The following ZBTB45 variants were observed in gnomAD, a reference collection of about 807,000 sequenced individuals.
ZBTB45 encodes the protein zinc finger and BTB domain containing 45, also known as zinc finger and BTB domain-containing protein 45.
In ZBTB45, 22 loss-of-function variants were observed where a neutral mutation model predicts 28.4. That is an observed-to-expected ratio of 0.77 (90% CI 0.55 to 1.10). The LOEUF (loss-of-function observed/expected upper bound fraction) is 1.10. Among genes scored for constraint, ZBTB45 ranks in the 50% least tolerant of loss-of-function variants. The pLI is 0.00. For missense variants in ZBTB45, 656 were observed against 750.2 expected, an observed-to-expected ratio of 0.87 and a Z score of 1.47; for synonymous variants, 361 against 332.3, an observed-to-expected ratio of 1.09 and a Z score of -0.94.
At position 58,513,612 on chromosome 19, in the gene ZBTB45, T is replaced by C. The variant is rs528496292; in HGVS notation, c.*442A>G. 3.1e-4 allele frequency: 52 copies of C among 166,144 alleles called. No homozygotes were observed. In the South Asian group the frequency reaches 9.3e-3, roughly 30 times the overall value. 10.3% of individuals were successfully genotyped at this position (166,144 alleles called of 1,614,324 possible). On this transcript the variant is annotated 3_prime_UTR_variant, in exon 3 of 3. Transcript: ENST00000594051. ...CAGCCCCCATATATGATGGGTCCAC[T>C]TGAGTCTCCTTAGGCGCCCCATGAG... is the stretch of plus-strand genomic sequence containing the variant.
chr19:58,518,602 G>A (rs1167488204), intron 1 of ZBTB45, among the ~76,000 whole-genome samples: 3 of 152,088 alleles, frequency 2.0e-5, no homozygotes, highest in African/African-American at 7.2e-5. Context: ...CCCAACATCA[G>A]GCACCAGAAA....
Position 58,517,170 on chromosome 19 carries a change from T to G in ZBTB45, c.504A>C (p.Ala168=). Residue 168 remains alanine, a synonymous_variant, in exon 2 of 3, where the codon GCA becomes GCC. Transcript: ENST00000594051. Reference sequence around the variant, plus strand: ...CGGGCTGGCGCTGCTTACGGCTGTGTGCAGCACCGGGGTGCCCCGGGGGAC... The same window carrying G: ...CGGGCTGGCGCTGCTTACGGCTGTGGGCAGCACCGGGGTGCCCCGGGGGAC... ...AARPPGHPGA[A]HSRKQRQPAR... 6.2e-7 allele frequency: 1 copy of G among 1,609,846 alleles called. No homozygotes were observed. Among genetic ancestry groups the G allele is most frequent in the African/African-American group, 1.3e-5 (1 of 74,854 alleles).
At chr19:58,533,648 G>A (rs569091857) in intron 1 of ZBTB45, among the ~76,000 whole-genome samples, 4 of 152,236 alleles carry the variant, frequency 2.6e-5, no homozygotes, top group Admixed American at 2.0e-4. Context: ...GAGCAGTTGA[G>A]AAGATCTAGT....
intron 1 of ZBTB45, among the ~76,000 whole-genome samples, chr19:58,527,182 G>A (rs959620093): frequency 1.3e-5 from 2 of 152,114 alleles, no homozygotes; most frequent in Non-Finnish European, 2.9e-5. Flanking sequence ...TGCACCCACT[G>A]CTCCTCGATG....
upstream of ZBTB45, among the ~76,000 whole-genome samples, chr19:58,523,366 T>A (rs1381152556): frequency 6.6e-6 from 1 of 151,892 alleles, no homozygotes; most frequent in Non-Finnish European, 1.5e-5. Flanking sequence ...GCCAACATGG[T>A]GAAACCCGGT....
chr19:58,516,483 A>C lies in ZBTB45; in HGVS notation c.1191T>G (p.Gly397=), dbSNP rs1600056640. The C allele has an allele frequency of 1.2e-6, 2 of 1,613,698 alleles. No homozygotes were observed. Among genetic ancestry groups the C allele is most frequent in the South Asian group, 2.2e-5 (2 of 91,082 alleles). The change falls in exon 2 of 3, where the codon GGT becomes GGG. Residue 397 remains glycine, a synonymous_variant. Coordinates refer to ENST00000594051, the MANE Select transcript of ZBTB45 (RefSeq NM_001316979.2). The surrounding 1 kb of genome is among the most constrained non-coding windows in gnomAD (Gnocchi z 6.2). ...TGCACTCATACGTAGGTGGCTCAGC[A>C]CCTGGGGTGCGAGCAGGGGTGCCTG... The part of the protein sequence containing the change: ...APSGTPARTP[G]AEPPTYECSH...
chr19:58,530,536 C>T (rs2053630680), intron 1 of ZBTB45, among the ~76,000 whole-genome samples: 1 of 151,844 alleles, frequency 6.6e-6, no homozygotes, highest in Non-Finnish European at 1.5e-5. Flanking sequence ...AAACTCCCGA[C>T]CTCAGGTGAT....
In ZBTB45 at chr19:58,514,010, G is replaced by A; in HGVS notation, c.*44C>T. ...CGCAGCGGGCGTGGCCGACTGTGCG[G>A]GAGGCCCCGGATCCACCGTGGGCGA... On this transcript the variant is annotated 3_prime_UTR_variant, in exon 3 of 3. Coordinates refer to ENST00000594051, the MANE Select transcript of ZBTB45 (RefSeq NM_001316979.2). 7.3e-7 allele frequency: 1 copy of A among 1,368,764 alleles called. No homozygotes were observed. Among genetic ancestry groups the A allele is most frequent in the South Asian group, 1.7e-5 (1 of 58,600 alleles). 84.8% of individuals were successfully genotyped at this position (1,368,764 alleles called of 1,614,324 possible). A position where few individuals can be genotyped will look rare whatever the true frequency, so the allele number is the denominator to read the frequency against.
chr19:58,533,127 C>T (rs1032590835), intron 1 of ZBTB45, among the ~76,000 whole-genome samples: 3 of 152,220 alleles, frequency 2.0e-5, no homozygotes, highest in African/African-American at 4.8e-5. Flanking sequence ...TGAGCCACCA[C>T]GTCCGGCCTA....
chr19:58,536,844 G>T (rs997096877), intron 1 of ZBTB45, among the ~76,000 whole-genome samples: 3 of 152,136 alleles, frequency 2.0e-5, no homozygotes, highest in African/African-American at 7.2e-5. Context: ...CCTGGGTGCA[G>T]TCTGAGTGAC....
chr19:58,532,586 G>A (rs1422562779), intron 1 of ZBTB45, among the ~76,000 whole-genome samples: 3 of 152,018 alleles, frequency 2.0e-5, no homozygotes, highest in Non-Finnish European at 2.9e-5. Context: ...CGCGCTTATC[G>A]CCAAGGCTGG....
upstream of ZBTB45, among the ~76,000 whole-genome samples, chr19:58,524,489 C>CTTAACCCTGG (rs2053597002): frequency 7.7e-6 from 1 of 129,350 alleles, no homozygotes; most frequent in Non-Finnish European, 1.6e-5. Context: ...ACCCAAAGAC[C>CTTAACCCTGG]TTAACCCTGG....
rs910823831 is a variant in ZBTB45 at position 58,516,900 on chromosome 19, T to C, written c.774A>G (p.Ala258=). 6.2e-7 allele frequency: 1 copy of C among 1,613,170 alleles called. No individual in the cohort carries two copies. The highest frequency in any genetic ancestry group is 1.1e-5 in the South Asian group (1 of 91,082). The change falls in exon 2 of 3, where the codon GCA becomes GCG. Residue 258 remains alanine, a synonymous_variant. Transcript: ENST00000594051. The surrounding 1 kb of genome is among the most constrained non-coding windows in gnomAD (Gnocchi z 6.2). ...CACTGTAGTCAGCGAGGCCAGTGGG[T>C]GCAGGGGGCTCCTCGCACGCGCTGT... ...AADSACEEPP[A]PTGLADYSGA...
At chr19:58,530,777 G>A (rs1432801803) in intron 1 of ZBTB45, among the ~76,000 whole-genome samples, 1 of 151,022 alleles carries the variant, frequency 6.6e-6, no homozygotes, top group African/African-American at 2.4e-5. Flanking sequence ...TCCGCCTCCC[G>A]GGTTCACGCC....
intron 1 of ZBTB45, among the ~76,000 whole-genome samples, chr19:58,537,771 C>T (rs943974703): frequency 6.6e-5 from 10 of 152,024 alleles, no homozygotes; most frequent in African/African-American, 1.7e-4. Flanking sequence ...GTGACCCACA[C>T]GTCCCCCTCT....
chr19:58,516,342 G>A lies in ZBTB45; in HGVS notation c.1279+53C>T. On this transcript the variant is annotated intron_variant, in intron 2 of 2. Transcript: ENST00000594051. This position sits in a 1 kb window ranked among gnomAD's most constrained non-coding sequence, Gnocchi z 6.2. ...GTAACTAGTGCTCAATTCCCCCTCAGGTTTAACTCTCCGATGAGAGATTGC... is the reference window on the plus strand; with the variant it reads ...GTAACTAGTGCTCAATTCCCCCTCAAGTTTAACTCTCCGATGAGAGATTGC... The A allele has an allele frequency of 6.2e-7, 1 of 1,606,524 alleles. No individual in the cohort carries two copies.
In ZBTB45 at chr19:58,517,446, G is replaced by A. The variant is rs751431802; in HGVS notation, c.228C>T (p.Pro76=). ...CTACCAGCTGTCGCACTGTCTGCGC[G>A]GGCACCACCGGAGGCACACGGATCT... ...HSEIRVPPVV[P]AQTVRQLVEF... Residue 76 remains proline (P), a synonymous_variant, in exon 2 of 3, where the codon CCC becomes CCT. Transcript: ENST00000594051. The A allele has an allele frequency of 2.0e-5, 33 of 1,613,072 alleles. No homozygotes were observed. Among genetic ancestry groups the A allele is most frequent in the Middle Eastern group, 1.6e-4 (1 of 6,062 alleles).
chr19:58,517,977 A>C (rs970062113), intron 1 of ZBTB45, among the ~76,000 whole-genome samples: 1 of 151,860 alleles, frequency 6.6e-6, no homozygotes, highest in African/African-American at 2.4e-5. Flanking sequence ...GAAAAGGTTC[A>C]GGCCTTGGCC....
rs2053455350 is a variant in ZBTB45 at position 58,514,143 on chromosome 19, G to A, written c.1447C>T (p.Pro483Ser). 1.9e-6 allele frequency: 3 copies of A among 1,606,124 alleles called. No homozygotes were observed. Among genetic ancestry groups the A allele is most frequent in the African/African-American group, 1.3e-5 (1 of 74,748 alleles). ...CAGGCGGGGCAGGGCGCGCGCTCGG[G>A]CCGGTGAGTGCGCATGTGCACGTTG... ...SLNVHMRTHR[P>S]ERAPCPACGK... is the part of the protein sequence containing the mutation. Residue 483 changes from proline (P) to serine (S), a missense_variant, in exon 3 of 3, where the codon CCC becomes TCC. This residue lies in a region of ZBTB45 where 103 missense variants were observed against 153.5 expected (regional missense o/e 0.67). Coordinates refer to ENST00000594051, the MANE Select transcript of ZBTB45 (RefSeq NM_001316979.2).
Sources: gnomAD v4.1 joint callset for allele counts (sites outside exome capture counted in the v4.1 genomes callset) on GRCh38, gnomAD v4.1.1 for gene constraint, gnomAD v4.1.1 regional missense constraint, Gnocchi (gnomAD v3.1) non-coding constraint, MANE v1.5 for transcripts, NCBI Gene and HGNC (gene_info 2026-07-23, HGNC 2026-07-21) for gene names.